HHAT: variants seen among roughly 807,000 people sequenced by gnomAD.
HHAT encodes the protein hedgehog acyltransferase, also known as protein-cysteine N-palmitoyltransferase HHAT.
A neutral mutation model predicts 70.8 loss-of-function variants in HHAT; 47 were observed. That is an observed-to-expected ratio of 0.66 (90% CI 0.53 to 0.85). HHAT has a LOEUF of 0.85. HHAT is among the 40% of genes least tolerant of loss of function. HHAT has a pLI of 0.00. For synonymous variants in HHAT, 228 were observed against 247.6 expected, an observed-to-expected ratio of 0.92 and a Z score of 0.74; for missense variants, 609 against 604.8, an observed-to-expected ratio of 1.01 and a Z score of -0.07.
At chr1:210,439,085 C>T (rs2093444929) in intron 7 of HHAT, among the ~76,000 whole-genome samples, 1 of 151,874 alleles carries the variant, frequency 6.6e-6, no homozygotes, top group Non-Finnish European at 1.5e-5. Context: ...TAGTCTATTA[C>T]TTAAGGGGTT....
At chr1:210,670,743 G>A (rs964226457) in intron 11 of HHAT, among the ~76,000 whole-genome samples, 1 of 152,120 alleles carries the variant, frequency 6.6e-6, no homozygotes, top group South Asian at 2.1e-4. Flanking sequence ...AGTGAGCTGT[G>A]GGCATGTAAC....
chr1:210,359,947 C>T (rs1459814033), intron 2 of HHAT, among the ~76,000 whole-genome samples: 2 of 152,204 alleles, frequency 1.3e-5, no homozygotes, highest in South Asian at 2.1e-4. Context: ...GACATTTAGG[C>T]AGCTCTGTGT....
intron 8 of HHAT, among the ~76,000 whole-genome samples, chr1:210,512,455 G>T (rs1466534394): frequency 6.6e-6 from 1 of 151,972 alleles, no homozygotes; most frequent in African/African-American, 2.4e-5. Context: ...TGGGAGGATT[G>T]CTTGAGCCCA....
At chr1:210,433,701 G>T (rs956609833) in intron 7 of HHAT, among the ~76,000 whole-genome samples, 1 of 151,882 alleles carries the variant, frequency 6.6e-6, no homozygotes, top group Admixed American at 6.5e-5. Context: ...CTCTCCTGGA[G>T]ATATCAAACT....
At chr1:210,465,643 A>G (rs1348053223) in intron 8 of HHAT, among the ~76,000 whole-genome samples, 11 of 152,324 alleles carry the variant, frequency 7.2e-5, no homozygotes, top group Non-Finnish European at 1.3e-4. Flanking sequence ...TTTCATCTCT[A>G]TAGGCAAAAA....
intron 3 of HHAT, among the ~76,000 whole-genome samples, chr1:210,381,812 G>T (rs2090659885): frequency 6.6e-6 from 1 of 152,134 alleles, no homozygotes; most frequent in East Asian, 1.9e-4. Context: ...AGGGATCTGG[G>T]TTGAAGAACT....
At chr1:210,604,639 TA>T (rs1169292578) in intron 10 of HHAT, among the ~76,000 whole-genome samples, 1 of 152,190 alleles carries the variant, frequency 6.6e-6, no homozygotes, top group African/African-American at 2.4e-5. Flanking sequence ...GTTGTCTAAC[TA>T]AAAATTATTG....
intron 1 of HHAT, among the ~76,000 whole-genome samples, chr1:210,341,063 C>T (rs1279355856): frequency 6.6e-6 from 1 of 152,156 alleles, no homozygotes; most frequent in Non-Finnish European, 1.5e-5. Context: ...GCCTTTTCAG[C>T]ATAGGAAATC....
intron 2 of HHAT, among the ~76,000 whole-genome samples, chr1:210,352,331 G>T (rs535611596): frequency 6.6e-6 from 1 of 152,088 alleles, no homozygotes; most frequent in Admixed American, 6.5e-5. Context: ...TTTACCTCAC[G>T]GGAGCCAGAT....
chr1:210,612,761 C>T (rs1481855458), intron 10 of HHAT, among the ~76,000 whole-genome samples: 1 of 152,128 alleles, frequency 6.6e-6, no homozygotes, highest in Non-Finnish European at 1.5e-5. Flanking sequence ...ACATTCTCAC[C>T]AGCAATACGT....
intron 9 of HHAT, among the ~76,000 whole-genome samples, chr1:210,546,612 C>T (rs934832103): frequency 2.6e-5 from 4 of 152,114 alleles, no homozygotes; most frequent in Admixed American, 6.5e-5. Context: ...GAGGAACCTC[C>T]ACATGGCTTT....
At chr1:210,529,039 T>C (rs2148628226) in intron 9 of HHAT, among the ~76,000 whole-genome samples, 1 of 152,292 alleles carries the variant, frequency 6.6e-6, no homozygotes, top group South Asian at 2.1e-4. Context: ...GCGTGGTGGC[T>C]CACGCTGGTA....
chr1:210,573,649 C>T (rs1207209860), intron 9 of HHAT, among the ~76,000 whole-genome samples: 1 of 152,172 alleles, frequency 6.6e-6, no homozygotes, highest in Non-Finnish European at 1.5e-5. Flanking sequence ...GTAGTTCCAG[C>T]AGCTTTCTAG....
chr1:210,353,453 TTAAAA>T (rs1431592686), intron 2 of HHAT, among the ~76,000 whole-genome samples: 18 of 64,430 alleles, frequency 2.8e-4, no homozygotes, highest in South Asian at 1.4e-3. Flanking sequence ...TTTTTTTTTT[TTAAAA>T]AAAAGCACCT....
At chr1:210,613,566 T>C (rs1667019538) in intron 10 of HHAT, among the ~76,000 whole-genome samples, 1 of 152,174 alleles carries the variant, frequency 6.6e-6, no homozygotes, top group South Asian at 2.1e-4. Flanking sequence ...TGCAACTTTG[T>C]TCTGCTTTTT....
intron 8 of HHAT, among the ~76,000 whole-genome samples, chr1:210,500,042 A>G (rs1419397688): frequency 3.3e-5 from 5 of 152,210 alleles, no homozygotes; most frequent in Non-Finnish European, 7.4e-5. Flanking sequence ...TTGTTTCAAT[A>G]TAAAAGGAGG....
At chr1:210,327,624 G>A (rs1251203697), upstream of HHAT, among the ~76,000 whole-genome samples, 2 of 151,958 alleles carry the variant, frequency 1.3e-5, no homozygotes, top group Non-Finnish European at 2.9e-5. Context: ...TCGTGCCTCA[G>A]CCTCCCAAGT....
At chr1:210,673,783 TTATTTATTTATTTATTTATTTA>T (rs1379916895) in intron 11 of HHAT, among the ~76,000 whole-genome samples, 1 of 41,136 alleles carries the variant, frequency 2.4e-5, no homozygotes, top group East Asian at 4.9e-4. Flanking sequence ...ATTTATTTAT[TTATTTATTTATTTATTTATTTA>T]TTTATTTATG....
intron 8 of HHAT, among the ~76,000 whole-genome samples, chr1:210,505,565 C>T (rs2094838496): frequency 6.6e-6 from 1 of 152,166 alleles, no homozygotes. Flanking sequence ...GGTAGGCCAG[C>T]TGAACTAATC....
Sources: gnomAD v4.1 joint callset for allele counts (sites outside exome capture counted in the v4.1 genomes callset) on GRCh38, gnomAD v4.1.1 for gene constraint, MANE v1.5 for transcripts, NCBI Gene and HGNC (gene_info 2026-07-23, HGNC 2026-07-21) for gene names.